The following DENND4B variants were observed in gnomAD, a reference collection of about 807,000 sequenced individuals.
DENND4B encodes DENN domain-containing protein 4B.
A neutral mutation model predicts 161.0 loss-of-function variants in DENND4B; 67 were observed. That is an observed-to-expected ratio of 0.42 (90% CI 0.34 to 0.51). DENND4B has a LOEUF of 0.51. Among genes scored for constraint, DENND4B ranks in the 20% least tolerant of loss-of-function variants. The pLI is 0.08. For missense variants in DENND4B, 1,481 were observed against 1,968.0 expected (o/e 0.75, Z 4.68); for synonymous variants, 753 against 813.8 (o/e 0.93, Z 1.27).
rs1268471467 is a variant in DENND4B at position 153,934,209 on chromosome 1, C to G, written c.2867G>C (p.Gly956Ala). The G allele has an allele frequency of 6.2e-7, 1 of 1,606,358 alleles. No homozygotes were observed. Among genetic ancestry groups the G allele is most frequent in the African/African-American group, 1.3e-5 (1 of 74,488 alleles). Residue 956 changes from glycine to alanine, a missense_variant, in exon 19 of 28, where the codon GGA becomes GCA. Around this residue, in one of 3 missense-constraint regions of DENND4B, gnomAD observed 339 missense variants for 330.3 expected, o/e 1.03. Transcript: ENST00000361217. This position sits in a 1 kb window ranked among gnomAD's most constrained non-coding sequence, Gnocchi z 5.3. The part of the protein sequence containing the change: ...RSLRDPASPP[G>A]RLVKSGSLGS... ...CAGGCTACCACTCTTCACCAGGCGT[C>G]CAGGGGGTGAGGCTGGGTCTCTCAG...
intron 17 of DENND4B, 164 bp from the exon 18 acceptor site, chr1:153,935,128 A>G (rs1679259351): frequency 7.2e-7 from 1 of 1,389,876 alleles, no homozygotes. Flanking sequence ...CAGAAGAGAC[A>G]GTAGGCAGCA....
In DENND4B at chr1:153,933,655, G is replaced by T. The variant is rs768200588; in HGVS notation, c.3158C>A (p.Pro1053His). 6.4e-7 allele frequency: 1 copy of T among 1,568,334 alleles called. No individual in the cohort carries two copies. The highest frequency in any genetic ancestry group is 8.6e-7 in the Non-Finnish European group (1 of 1,158,624). Residue 1053 changes from proline (P) to histidine (H), a missense_variant, in exon 20 of 28, where the codon CCC becomes CAC. Transcript: ENST00000361217. The surrounding 1 kb of genome is among the most constrained non-coding windows in gnomAD (Gnocchi z 5.7). The stretch of plus-strand genomic sequence containing the variant: ...GAGGCGGGCACCCAGCCCTCGTCGG[G>T]GGGTGCCTGCCTCATCCTGTCGCCC... ...AGGRQDEAGT[P>H]RRGLGARLQQ... is the part of the protein sequence containing the mutation.
chr1:153,936,287 A>C lies in DENND4B; in HGVS notation c.2440-99T>G. ...TCCTGCCTCCCCAATTCTCACAGACATCACTGGCCCCTGGCAGGTCCTGGG... is the reference window on the plus strand; with the variant it reads ...TCCTGCCTCCCCAATTCTCACAGACCTCACTGGCCCCTGGCAGGTCCTGGG... On this transcript the variant is annotated intron_variant, in intron 16 of 27. Coordinates refer to ENST00000361217, the MANE Select transcript of DENND4B (RefSeq NM_014856.3). The surrounding 1 kb of genome is among the most constrained non-coding windows in gnomAD (Gnocchi z 4.1). The C allele has an allele frequency of 1.3e-6, 2 of 1,491,790 alleles. No homozygotes were observed. Among genetic ancestry groups the C allele is most frequent in the Non-Finnish European group, 1.8e-6 (2 of 1,109,356 alleles). The allele number at this position is 1,491,790 out of a possible 1,614,324, so 92.4% of individuals were successfully genotyped here.
In DENND4B at chr1:153,930,301, C is replaced by T. The variant is rs1678827572; in HGVS notation, c.4487G>A (p.Cys1496Tyr). 2 of 1,613,416 alleles carry T rather than the reference C, an allele frequency of 1.2e-6. No individual in the cohort carries two copies. Among genetic ancestry groups the T allele is most frequent in the African/African-American group, 1.3e-5 (1 of 75,056 alleles). The change falls in exon 28 of 28, where the codon TGC becomes TAC. Residue 1496 changes from cysteine (C) to tyrosine (Y), a missense_variant. Around this residue, in one of 3 missense-constraint regions of DENND4B, gnomAD observed 336 missense variants for 503.3 expected, o/e 0.67. Transcript: ENST00000361217. This position sits in a 1 kb window ranked among gnomAD's most constrained non-coding sequence, Gnocchi z 4.7. ...GGAGAGGGAAGCTTAAGGTCTCTAG[C>T]ATTCTGGAGGTGCTCCAAAACATTT... ...CRKCFGAPPE[C>Y]
Position 153,940,287 on chromosome 1 carries a change from C to T in DENND4B, c.1503-31G>A, listed in dbSNP as rs188757305. ...AGAAAAGCATAAGGGGAAAGAGTGGCGAGGCTCTGGGATAGGGTGACGGGG... is the reference window on the plus strand; with the variant it reads ...AGAAAAGCATAAGGGGAAAGAGTGGTGAGGCTCTGGGATAGGGTGACGGGG... On this transcript the variant is annotated intron_variant, in intron 10 of 27. Coordinates refer to ENST00000361217, the MANE Select transcript of DENND4B (RefSeq NM_014856.3). This position sits in a 1 kb window ranked among gnomAD's most constrained non-coding sequence, Gnocchi z 5.6. 183 of 1,574,308 alleles carry T rather than the reference C, an allele frequency of 1.2e-4. No individual in the cohort carries two copies. The highest frequency in any genetic ancestry group is 5.3e-4 in the Middle Eastern group (3 of 5,692).
At chr1:153,943,193 G>A in intron 2 of DENND4B, 63 bp from the exon 3 acceptor site, 1 of 1,548,860 alleles carries the variant, frequency 6.5e-7, no homozygotes, top group Admixed American at 1.8e-5. Context: ...ACCCAATCCT[G>A]CCAGATCTGC....
Position 153,937,837 on chromosome 1 carries a change from C to T in DENND4B, c.1992G>A (p.Glu664=). 1 of 1,614,008 alleles carries T rather than the reference C, an allele frequency of 6.2e-7. No individual in the cohort carries two copies. Among genetic ancestry groups the T allele is most frequent in the Non-Finnish European group, 8.5e-7 (1 of 1,179,892 alleles). Residue 664 remains glutamate, a synonymous_variant, in exon 14 of 28, where the codon GAG becomes GAA. Coordinates refer to ENST00000361217, the MANE Select transcript of DENND4B (RefSeq NM_014856.3). The surrounding 1 kb of genome is among the most constrained non-coding windows in gnomAD (Gnocchi z 4.7). The part of the protein sequence containing the change: ...EKVHPEQEKP[E]PTPLVELEEL... ...CCTCTAGCTCCACTAAGGGTGTCGG[C>T]TCAGGCTTCTCCTGCTCTGGGTGGA...
chr1:153,941,912 A>AAAGGAAGGT lies in DENND4B; in HGVS notation c.1003_1011dup (p.Thr335_Leu337dup). On this transcript the variant is annotated inframe_insertion, in exon 6 of 28. Transcript: ENST00000361217. ...TGGGGGCCTGAGACGGAGTAGCGGTAAAGGAAGGTGAGGAAGGCGCGGAAG... is the reference window on the plus strand; with the variant it reads ...TGGGGGCCTGAGACGGAGTAGCGGTAAAGGAAGGTAAGGAAGGTGAGGAAGGCGCGGAAG... 2 of 1,612,366 alleles carry AAAGGAAGGT rather than the reference A, an allele frequency of 1.2e-6. No homozygotes were observed. The highest frequency in any genetic ancestry group is 1.7e-6 in the Non-Finnish European group (2 of 1,179,858).
chr1:153,935,940 G>A (rs533666856), intron 17 of DENND4B, 120 bp downstream of exon 17: 1 of 1,309,490 alleles, frequency 7.6e-7, no homozygotes, highest in African/African-American at 1.5e-5. Flanking sequence ...GATGACAGTG[G>A]TTCCAGGACC....
chr1:153,931,117 G>T, intron 24 of DENND4B, 53 bp from the exon 25 acceptor site: 2 of 1,448,436 alleles, frequency 1.4e-6, no homozygotes, highest in South Asian at 1.2e-5. Flanking sequence ...GGGAGGCAGA[G>T]GACAAGAAAC....
rs1266274734 is a variant in DENND4B, at chr1:153,941,054, G to A, written c.1182-6C>T. The A allele has an allele frequency of 2.6e-6, 4 of 1,553,670 alleles. No homozygotes were observed. Among genetic ancestry groups the A allele is most frequent in the South Asian group, 1.2e-5 (1 of 84,570 alleles). ...GCTGCAGGAAGCTGGCACCACTGCAGGCAATGCCGAGGTGGGGAAAGGGTC... is the reference window on the plus strand; with the variant it reads ...GCTGCAGGAAGCTGGCACCACTGCAAGCAATGCCGAGGTGGGGAAAGGGTC... On this transcript the variant is annotated splice_region_variant and splice_polypyrimidine_tract_variant and intron_variant, in intron 8 of 27. Transcript: ENST00000361217.
intron 17 of DENND4B, 188 bp from the exon 18 acceptor site, chr1:153,935,152 G>A: frequency 8.4e-7 from 1 of 1,195,928 alleles, no homozygotes; most frequent in Non-Finnish European, 1.1e-6. Flanking sequence ...GCCTCCCAAG[G>A]GGCCTAGAAG....
chr1:153,939,751 C>T lies in DENND4B; in HGVS notation c.1657G>A (p.Glu553Lys), dbSNP rs775076908. ...CGGGCCCTGCGGCCACACACTGCCTCGTAGTCTGTCAGTAGGAACTCCAGG... is the reference window on the plus strand; with the variant it reads ...CGGGCCCTGCGGCCACACACTGCCTTGTAGTCTGTCAGTAGGAACTCCAGG... ...ASLEFLLTDY[E>K]AVCGRRARLE... The change falls in exon 12 of 28, where the codon GAG becomes AAG. Residue 553 changes from glutamate (E) to lysine (K), a missense_variant. Glu to Lys is a moderately conservative substitution (Grantham distance 56). This residue lies in a region of DENND4B where 806 missense variants were observed against 1,134.4 expected (regional missense o/e 0.71). Coordinates refer to ENST00000361217, the MANE Select transcript of DENND4B (RefSeq NM_014856.3). The T allele has an allele frequency of 2.5e-6, 4 of 1,613,814 alleles. No individual in the cohort carries two copies. The highest frequency in any genetic ancestry group is 3.4e-6 in the Non-Finnish European group (4 of 1,179,884).
In DENND4B at chr1:153,933,227, G is replaced by T; in HGVS notation, c.3423C>A (p.Thr1141=). ...GGGAAGGTGACTGGAAGGATCCAGG[G>T]GTGTCACTGAGGCGCTCTGAGGAAC... The part of the protein sequence containing the change: ...LRRSSERLSD[T]PGSFQSPSLE... The change falls in exon 21 of 28, where the codon ACC becomes ACA. Residue 1141 remains threonine, a synonymous_variant. Coordinates refer to ENST00000361217, the MANE Select transcript of DENND4B (RefSeq NM_014856.3). The surrounding 1 kb of genome is among the most constrained non-coding windows in gnomAD (Gnocchi z 5.7). 4.3e-6 allele frequency: 7 copies of T among 1,613,142 alleles called. No individual in the cohort carries two copies. Among genetic ancestry groups the T allele is most frequent in the Non-Finnish European group, 5.9e-6 (7 of 1,179,542 alleles).
rs772077322 is a variant in DENND4B at position 153,937,910 on chromosome 1, A to T, written c.1966-47T>A. Reference sequence around the variant, plus strand: ...GCAAGTGTTGAGATGGTGGGCATGGAGCAGAGCCAGGGTGTCTAGACGATG... The same window carrying T: ...GCAAGTGTTGAGATGGTGGGCATGGTGCAGAGCCAGGGTGTCTAGACGATG... On this transcript the variant is annotated intron_variant, in intron 13 of 27. Transcript: ENST00000361217. The surrounding 1 kb of genome is among the most constrained non-coding windows in gnomAD (Gnocchi z 4.7). 68 of 1,612,770 alleles carry T rather than the reference A, an allele frequency of 4.2e-5. 2 individuals carry two copies. The South Asian group carries it at 6.7e-4, about 16-fold the overall frequency.
Position 153,944,288 on chromosome 1 carries a change from C to T in DENND4B, c.87G>A (p.Thr29=), listed in dbSNP as rs1183751901. The stretch of plus-strand genomic sequence containing the variant: ...GGGGCCCACTGGGTTCAGGAACCCA[C>T]GTTTCCTCAGGGATGGGTGCTCCGT... ...AGNGAPIPEE[T]WVPEPSGPLR... The change falls in exon 2 of 28, where the codon ACG becomes ACA. Residue 29 remains threonine (T), a synonymous_variant. Transcript: ENST00000361217. The surrounding 1 kb of genome is among the most constrained non-coding windows in gnomAD (Gnocchi z 4.8). 10 of 1,603,522 alleles carry T rather than the reference C, an allele frequency of 6.2e-6. No individual in the cohort carries two copies. Among genetic ancestry groups the T allele is most frequent in the Admixed American group, 5.1e-5 (3 of 58,890 alleles).
chr1:153,933,652 CG>C lies in DENND4B; in HGVS notation c.3160del (p.Arg1054AspfsTer76), dbSNP rs780262431. 6 of 1,566,012 alleles carry C rather than the reference CG, an allele frequency of 3.8e-6. No individual in the cohort carries two copies. Among genetic ancestry groups the C allele is most frequent in the Admixed American group, 2.0e-5 (1 of 50,000 alleles). ...TTGGAGGCGGGCACCCAGCCCTCGT[CG>C]GGGGGTGCCTGCCTCATCCTGTCGC... ...GGRQDEAGTP[R>X]RGLGARLQQL... is the part of the protein sequence containing the mutation. On this transcript the variant is annotated frameshift_variant, in exon 20 of 28. Transcript: ENST00000361217. LOFTEE classifies it high-confidence loss of function. The surrounding 1 kb of genome is among the most constrained non-coding windows in gnomAD (Gnocchi z 5.7).
chr1:153,934,819 TGC>T lies in DENND4B; in HGVS notation c.2712_2713del (p.Gln905AlafsTer58). 6.4e-7 allele frequency: 1 copy of T among 1,565,880 alleles called. No homozygotes were observed. On this transcript the variant is annotated frameshift_variant, in exon 18 of 28. Coordinates refer to ENST00000361217, the MANE Select transcript of DENND4B (RefSeq NM_014856.3). LOFTEE classifies it high-confidence loss of function. The surrounding 1 kb of genome is among the most constrained non-coding windows in gnomAD (Gnocchi z 5.3). ...CACCTGCTCCTGCTGCTGCTGCTGC[TGC>T]TGCTGCTGTTGCTGCTGCTGCTGCT...
In DENND4B at chr1:153,946,399, C is replaced by A. The variant is rs1433785505; in HGVS notation, c.-122G>T. 5.2e-6 allele frequency: 2 copies of A among 384,174 alleles called. No homozygotes were observed. The highest frequency in any genetic ancestry group is 2.1e-5 in the African/African-American group (1 of 47,936). The allele number at this position is 384,174 out of a possible 1,614,324, so 23.8% of individuals were successfully genotyped here. ...CGGGGCTACCCGGCCCCAGACATGG[C>A]GCACCCGACTTGGGCGCCGCTCCCG... is the stretch of plus-strand genomic sequence containing the variant. On this transcript the variant is annotated 5_prime_UTR_variant, in exon 1 of 28. Coordinates refer to ENST00000361217, the MANE Select transcript of DENND4B (RefSeq NM_014856.3). The surrounding 1 kb of genome is among the most constrained non-coding windows in gnomAD (Gnocchi z 6.3).
Sources: allele counts gnomAD v4.1 joint callset, GRCh38; gene constraint gnomAD v4.1.1; regional missense constraint gnomAD v4.1.1; non-coding constraint Gnocchi (gnomAD v3.1); transcripts MANE v1.5; gene names NCBI Gene and HGNC (gene_info 2026-07-23, HGNC 2026-07-21).